LRRC4C: variants seen among roughly 807,000 people sequenced by gnomAD.
LRRC4C encodes the protein leucine rich repeat containing 4C, also known as leucine-rich repeat-containing protein 4C.
LRRC4C carries 5 observed loss-of-function variants against 33.6 expected under a neutral mutation model. The observed-to-expected ratio is 0.15, with a 90% CI of 0.08 to 0.31. The LOEUF is 0.31. Ranked by LOEUF, LRRC4C falls within the 10% of genes least tolerant of loss-of-function variation. The pLI is 1.00. For synonymous variants in LRRC4C, 329 were observed against 302.0 expected, an observed-to-expected ratio of 1.09 and a Z score of -0.93; for missense variants, 560 against 796.7, an observed-to-expected ratio of 0.70 and a Z score of 3.58.
chr11:41,034,113 G>T (rs2137861324), intron 1 of LRRC4C, among the ~76,000 whole-genome samples: 1 of 152,092 alleles, frequency 6.6e-6, no homozygotes, highest in South Asian at 2.1e-4. Flanking sequence ...TTATGTGTTG[G>T]AAACTTGGAT....
At chr11:40,196,637 A>G (rs1862283785) in intron 5 of LRRC4C, among the ~76,000 whole-genome samples, 1 of 152,232 alleles carries the variant, frequency 6.6e-6, no homozygotes, top group Non-Finnish European at 1.5e-5. Flanking sequence ...TGCATTATTG[A>G]GTACATTTCT....
At chr11:41,397,481 A>T (rs1837585638) in intron 1 of LRRC4C, among the ~76,000 whole-genome samples, 1 of 151,940 alleles carries the variant, frequency 6.6e-6, no homozygotes, top group South Asian at 2.1e-4. Context: ...AAGATATAGT[A>T]TATAATACAT....
rs1001030558 is a variant in LRRC4C at position 41,418,457 on chromosome 11, T to C, written c.-496+40974A>G. Among the ~76,000 whole-genome samples, 4 of 151,998 alleles carry C rather than the reference T, an allele frequency of 2.6e-5. 1 individual carries two copies. The highest frequency in any genetic ancestry group is 9.7e-5 in the African/African-American group (4 of 41,422). On this transcript the variant is annotated intron_variant, in intron 1 of 6. Coordinates refer to ENST00000528697, the MANE Select transcript of LRRC4C (RefSeq NM_001258419.2). ...ATTAACGGAGTCTCTCACAACCTTC[T>C]TCCTGTTTAGAAGGGTCACTATGTT...
At chr11:40,850,947 C>T (rs577937585) in intron 2 of LRRC4C, among the ~76,000 whole-genome samples, 6 of 152,238 alleles carry the variant, frequency 3.9e-5, no homozygotes, top group East Asian at 1.9e-4. Flanking sequence ...AAACCACCTA[C>T]TCAAGCCTCA....
intron 2 of LRRC4C, among the ~76,000 whole-genome samples, chr11:40,739,117 C>T (rs1448756026): frequency 6.6e-6 from 1 of 150,838 alleles, no homozygotes; most frequent in African/African-American, 2.4e-5. Context: ...ATTATATGTT[C>T]CTATATTAAC....
At position 41,454,202 on chromosome 11, in the gene LRRC4C, G is replaced by A. The variant is rs560415004; in HGVS notation, c.-496+5229C>T. On this transcript the variant is annotated intron_variant, in intron 1 of 6. Coordinates refer to ENST00000528697, the MANE Select transcript of LRRC4C (RefSeq NM_001258419.2). The stretch of plus-strand genomic sequence containing the variant: ...AGCAGAATTGGACTCATCACTGACA[G>A]CTCAGCTCAGCTACATTAGTAAGAA... Among the ~76,000 whole-genome samples, 13 of 152,196 alleles carry A rather than the reference G, an allele frequency of 8.5e-5. No individual in the cohort carries two copies. In the South Asian group the frequency reaches 2.7e-3, roughly 32 times the overall value.
rs190867420 is a variant in LRRC4C at position 40,114,347 on chromosome 11, T to G, written c.*23A>C. 2.2e-4 allele frequency: 342 copies of G among 1,535,004 alleles called. No homozygotes were observed. The highest frequency in any genetic ancestry group is 2.9e-4 in the Non-Finnish European group (329 of 1,143,492). On this transcript the variant is annotated 3_prime_UTR_variant, in exon 7 of 7. Transcript: ENST00000528697. ...AACTGTCTTTTTTTTTGATTGTTTG[T>G]TTTTTGTAACTCTGTAAATGTTTTA...
At chr11:41,437,354 C>A (rs1187002040) in intron 1 of LRRC4C, among the ~76,000 whole-genome samples, 1 of 152,060 alleles carries the variant, frequency 6.6e-6, no homozygotes, top group African/African-American at 2.4e-5. Context: ...TCACTGCCTT[C>A]TTTTCCAACC....
intron 3 of LRRC4C, among the ~76,000 whole-genome samples, chr11:40,420,771 G>A (rs1950497196): frequency 6.6e-6 from 1 of 152,082 alleles, no homozygotes; most frequent in African/African-American, 2.4e-5. Context: ...TTTGAGCCAG[G>A]CTGTTATTTT....
At chr11:40,659,062 G>T (rs896374055) in intron 2 of LRRC4C, among the ~76,000 whole-genome samples, 1 of 152,204 alleles carries the variant, frequency 6.6e-6, no homozygotes, top group Non-Finnish European at 1.5e-5. Context: ...AGGCATTGCT[G>T]CACTCTTGGG....
At chr11:40,127,627 A>G (rs1856351392) in intron 6 of LRRC4C, among the ~76,000 whole-genome samples, 1 of 152,212 alleles carries the variant, frequency 6.6e-6, no homozygotes, top group South Asian at 2.1e-4. Flanking sequence ...ATTGCAGAGA[A>G]GACTTTGATG....
intron 1 of LRRC4C, among the ~76,000 whole-genome samples, chr11:41,350,162 G>A (rs1951929569): frequency 6.6e-6 from 1 of 152,198 alleles, no homozygotes; most frequent in Admixed American, 6.5e-5. Context: ...TACCTGTATA[G>A]ATCTGAGGTC....
intron 5 of LRRC4C, among the ~76,000 whole-genome samples, chr11:40,148,522 G>A (rs560381906): frequency 2.6e-5 from 4 of 151,950 alleles, no homozygotes; most frequent in South Asian, 2.1e-4. Context: ...CTCTTTTAAC[G>A]GAGTTATTTG....
chr11:40,576,888 C>CAT (rs1253090717), intron 3 of LRRC4C, among the ~76,000 whole-genome samples: 2 of 152,136 alleles, frequency 1.3e-5, no homozygotes, highest in African/African-American at 4.8e-5. Flanking sequence ...ATTAAATGTT[C>CAT]ATAAATTAGT....
At chr11:41,246,039 G>A (rs1158841413) in intron 1 of LRRC4C, among the ~76,000 whole-genome samples, 1 of 152,146 alleles carries the variant, frequency 6.6e-6, no homozygotes, top group East Asian at 1.9e-4. Context: ...CCAAGCCCCA[G>A]GCCTCAGGCC....
At position 40,146,916 on chromosome 11, in the gene LRRC4C, A is replaced by C. The variant is rs569436840; in HGVS notation, c.-95-6063T>G. On this transcript the variant is annotated intron_variant, in intron 5 of 6. Coordinates refer to ENST00000528697, the MANE Select transcript of LRRC4C (RefSeq NM_001258419.2). ...ATAGCGCTTTCTAGGTTGCATTGGT[A>C]TAGCACCATTGAGAGCACACAGGAT... is the stretch of plus-strand genomic sequence containing the variant. 6.6e-5 allele frequency among the ~76,000 whole-genome samples: 10 copies of C among 152,302 alleles called. No homozygotes were observed. In the East Asian group the frequency reaches 1.9e-3, roughly 29 times the overall value.
At chr11:40,325,837 G>A (rs974337171) in intron 3 of LRRC4C, among the ~76,000 whole-genome samples, 1 of 151,896 alleles carries the variant, frequency 6.6e-6, no homozygotes, top group South Asian at 2.1e-4. Flanking sequence ...TGAAATTAAT[G>A]GTGTTCAACA....
At position 41,440,425 on chromosome 11, in the gene LRRC4C, T is replaced by C. The variant is rs542123444; in HGVS notation, c.-496+19006A>G. 3.3e-5 allele frequency among the ~76,000 whole-genome samples: 5 copies of C among 152,166 alleles called. No homozygotes were observed. In the South Asian group the frequency reaches 1.0e-3, roughly 31 times the overall value. On this transcript the variant is annotated intron_variant, in intron 1 of 6. Transcript: ENST00000528697. ...CCAGATATATTTTATAGGTTTTATC[T>C]ATGGTCTCCTTTTAATTTTTACTTT... is the stretch of plus-strand genomic sequence containing the variant.
intron 1 of LRRC4C, among the ~76,000 whole-genome samples, chr11:40,988,713 CT>C (rs869034558): frequency 0.076 from 4,360 of 57,714 alleles, 99 homozygotes; most frequent in South Asian, 0.17. Context: ...CTTTTCTTTT[CT>C]TTTTTTTTTT....
Sources: allele counts gnomAD v4.1 joint callset (sites outside exome capture counted in the v4.1 genomes callset), GRCh38; gene constraint gnomAD v4.1.1; transcripts MANE v1.5; gene names NCBI Gene and HGNC (gene_info 2026-07-23, HGNC 2026-07-21).